Variants in STK39 observed in about 807,000 individuals in gnomAD.
The protein encoded by STK39 is STE20/SPS1-related proline-alanine-rich protein kinase.
Under a neutral mutation model 77.8 loss-of-function variants are expected in STK39, and 20 were observed. The observed-to-expected ratio is 0.26, with a 90% CI of 0.18 to 0.37. STK39 has a LOEUF of 0.37. STK39 is among the 10% of genes least tolerant of loss of function. STK39 has a pLI of 1.00. For missense variants in STK39, 479 were observed against 656.5 expected (o/e 0.73, Z 2.95); for synonymous variants, 246 against 234.1 (o/e 1.05, Z -0.47).
chr2:167,976,934 T>TG (rs1451556708), intron 16 of STK39, among the ~76,000 whole-genome samples: 1 of 152,134 alleles, frequency 6.6e-6, no homozygotes, highest in Non-Finnish European at 1.5e-5. Context: ...AAGAACCCAT[T>TG]GGGATGGTTA....
intron 16 of STK39, among the ~76,000 whole-genome samples, chr2:168,007,696 C>T (rs1002793256): frequency 1.3e-5 from 2 of 151,848 alleles, no homozygotes; most frequent in Non-Finnish European, 2.9e-5. Flanking sequence ...AAGGAGTGTC[C>T]TGGAAGAAGA....
At chr2:167,983,192 G>A (rs1174440862) in intron 16 of STK39, among the ~76,000 whole-genome samples, 6 of 152,042 alleles carry the variant, frequency 3.9e-5, no homozygotes, top group Admixed American at 1.3e-4. Context: ...GAAATTGTAG[G>A]AAATAGGCCA....
chr2:168,235,585 C>T (rs1453196889), intron 1 of STK39, among the ~76,000 whole-genome samples: 4 of 148,454 alleles, frequency 2.7e-5, no homozygotes, highest in Non-Finnish European at 6.0e-5. Flanking sequence ...GGTATTTCTC[C>T]TAATGCTATC....
intron 16 of STK39, among the ~76,000 whole-genome samples, chr2:167,973,467 C>T (rs1683174090): frequency 6.6e-6 from 1 of 152,298 alleles, no homozygotes; most frequent in South Asian, 2.1e-4. Context: ...ATAGTAAATT[C>T]TTGTCCTAAA....
chr2:168,031,885 C>T (rs1424628289), intron 14 of STK39, among the ~76,000 whole-genome samples: 1 of 152,176 alleles, frequency 6.6e-6, no homozygotes, highest in African/African-American at 2.4e-5. Flanking sequence ...ATTTAAAAGT[C>T]AACATTTGTC....
chr2:168,191,219 A>C (rs1285051935), intron 1 of STK39, among the ~76,000 whole-genome samples: 1 of 152,202 alleles, frequency 6.6e-6, no homozygotes, highest in East Asian at 1.9e-4. Context: ...AACGGAGTGC[A>C]GGGCCTGACA....
chr2:168,107,764 A>G (rs1687011590), intron 10 of STK39, among the ~76,000 whole-genome samples: 2 of 152,236 alleles, frequency 1.3e-5, no homozygotes, highest in South Asian at 4.1e-4. Flanking sequence ...TTCCCTATTA[A>G]TTCACCAAGT....
intron 5 of STK39, 126 bp from the exon 6 acceptor site, chr2:168,140,884 CG>C (rs1687964152): frequency 1.4e-6 from 1 of 720,316 alleles, no homozygotes; most frequent in Non-Finnish European, 2.2e-6. Context: ...AACATGTCTA[CG>C]GTGCTCTCTC....
At chr2:168,157,785 C>T (rs2105575151) in intron 5 of STK39, among the ~76,000 whole-genome samples, 1 of 152,274 alleles carries the variant, frequency 6.6e-6, no homozygotes, top group Non-Finnish European at 1.5e-5. Flanking sequence ...CCACAGCACA[C>T]ACACACCTAA....
chr2:168,003,461 T>C (rs975201365), intron 16 of STK39, among the ~76,000 whole-genome samples: 2 of 152,214 alleles, frequency 1.3e-5, no homozygotes, highest in East Asian at 3.8e-4. Context: ...GGAATAAATA[T>C]TATACCTCAG....
intron 14 of STK39, among the ~76,000 whole-genome samples, chr2:168,047,101 T>C (rs1470187423): frequency 1.3e-5 from 2 of 152,194 alleles, no homozygotes; most frequent in Non-Finnish European, 2.9e-5. Flanking sequence ...AGTTCCCCAT[T>C]TTCTTTCAGA....
chr2:167,983,812 C>A lies in STK39; in HGVS notation c.1499-19086G>T, dbSNP rs181542046. 7.2e-5 allele frequency among the ~76,000 whole-genome samples: 11 copies of A among 152,274 alleles called. No individual in the cohort carries two copies. In the East Asian group the frequency reaches 2.1e-3, roughly 29 times the overall value. On this transcript the variant is annotated intron_variant, in intron 16 of 17. Coordinates refer to ENST00000355999, the MANE Select transcript of STK39 (RefSeq NM_013233.3). ...ATGGATTTAAGCTAGGTCATCCTACCTTTCTGTGCCTGCTCCCATCCCAAC... is the reference window on the plus strand; with the variant it reads ...ATGGATTTAAGCTAGGTCATCCTACATTTCTGTGCCTGCTCCCATCCCAAC...
At chr2:168,228,951 T>C (rs1690376439) in intron 1 of STK39, among the ~76,000 whole-genome samples, 1 of 152,176 alleles carries the variant, frequency 6.6e-6, no homozygotes, top group Admixed American at 6.5e-5. Context: ...TCTTCCAATG[T>C]AATAAACAGG....
intron 10 of STK39, among the ~76,000 whole-genome samples, chr2:168,126,600 A>T (rs1687548623): frequency 6.6e-6 from 1 of 152,182 alleles, no homozygotes; most frequent in Non-Finnish European, 1.5e-5. Context: ...TCCTAGGAAC[A>T]CGTGTATGCC....
intron 12 of STK39, among the ~76,000 whole-genome samples, chr2:168,066,405 C>T (rs924323569): frequency 2.6e-5 from 4 of 152,240 alleles, no homozygotes; most frequent in Non-Finnish European, 2.9e-5. Flanking sequence ...TTTATTTTTA[C>T]GATAAGATGT....
intron 10 of STK39, among the ~76,000 whole-genome samples, chr2:168,127,044 G>GA (rs1304944042): frequency 3.3e-5 from 5 of 152,176 alleles, no homozygotes; most frequent in Admixed American, 6.5e-5. Flanking sequence ...AGACATGGTT[G>GA]AAAAATCACA....
At chr2:168,144,980 G>GAA (rs549856703) in intron 5 of STK39, among the ~76,000 whole-genome samples, 6 of 125,884 alleles carry the variant, frequency 4.8e-5, no homozygotes, top group Non-Finnish European at 8.5e-5. Flanking sequence ...GCCCGTCTCA[G>GAA]AAAAAAAAAA....
intron 10 of STK39, among the ~76,000 whole-genome samples, chr2:168,125,558 A>T (rs1452905731): frequency 6.6e-6 from 1 of 152,154 alleles, no homozygotes; most frequent in East Asian, 1.9e-4. Flanking sequence ...ATCCAATCTT[A>T]TATTACCCTT....
At chr2:168,138,022 A>C in intron 8 of STK39, 66 bp downstream of exon 8, 4 of 1,553,460 alleles carry the variant, frequency 2.6e-6, no homozygotes, top group Non-Finnish European at 3.5e-6. Context: ...GCCTTTCCCC[A>C]TCTACAAACA....
Sources: allele counts gnomAD v4.1 joint callset (sites outside exome capture counted in the v4.1 genomes callset), GRCh38; gene constraint gnomAD v4.1.1; transcripts MANE v1.5; gene names NCBI Gene and HGNC (gene_info 2026-07-23, HGNC 2026-07-21).